R3HCC1: variants seen among roughly 807,000 people sequenced by gnomAD.
R3HCC1 encodes the protein R3H domain and coiled-coil containing 1.
R3HCC1 carries 32 observed loss-of-function variants against 40.0 expected under a neutral mutation model. The ratio of observed to expected loss-of-function variants is 0.80; its 90% CI spans 0.60 to 1.07. R3HCC1 has a LOEUF of 1.07. R3HCC1 is among the 50% of genes least tolerant of loss of function. The pLI, the probability that R3HCC1 is intolerant of heterozygous loss-of-function variation, is 0.00. For missense variants in R3HCC1, 586 were observed against 563.3 expected (o/e 1.04, Z -0.41); for synonymous variants, 237 against 232.8 (o/e 1.02, Z -0.17).
chr8:23,296,207 C>A lies in R3HCC1; in HGVS notation c.*110C>A. On this transcript the variant is annotated 3_prime_UTR_variant, in exon 8 of 8. Transcript: ENST00000265806. ...GCCCCGCACCACCCTCGAGCTTCAC[C>A]ATGGGGTGTGGTGGGCTTTAGTTTA... The A allele has an allele frequency of 7.7e-7, 1 of 1,299,568 alleles. No individual in the cohort carries two copies. The highest frequency in any genetic ancestry group is 2.6e-5 in the East Asian group (1 of 38,076). 80.5% of individuals were successfully genotyped at this position (1,299,568 alleles called of 1,614,324 possible).
chr8:23,295,456 C>T (rs1267957956), intron 7 of R3HCC1: 1 of 457,154 alleles, frequency 2.2e-6, no homozygotes, highest in Non-Finnish European at 4.4e-6. Context: ...CTTCTACTTC[C>T]AGAAACCATG....
At chr8:23,295,666 C>CT (rs1802994422) in intron 7 of R3HCC1, 2 of 494,464 alleles carry the variant, frequency 4.0e-6, no homozygotes, top group Non-Finnish European at 7.4e-6. Flanking sequence ...ATACCCCTCC[C>CT]AAAGGACCCT....
chr8:23,293,319 A>C lies in R3HCC1; in HGVS notation c.1042A>C (p.Ile348Leu). The C allele has an allele frequency of 1.3e-6, 2 of 1,551,222 alleles. No homozygotes were observed. The highest frequency in any genetic ancestry group is 1.7e-6 in the Non-Finnish European group (2 of 1,146,878). ...GCCGCACAGAGAGAAGGGGTTCAGG[A>C]TTCAGTGGGTGGATGATACTCACGC... Residue 348 changes from isoleucine to leucine, a missense_variant, in exon 6 of 8, where the codon ATT (isoleucine) becomes CTT (leucine). Physicochemically the swap from Ile to Leu is conservative, Grantham distance 5. Transcript: ENST00000265806.
intron 7 of R3HCC1, among the ~76,000 whole-genome samples, chr8:23,295,275 G>T (rs371942440): frequency 3.3e-5 from 5 of 152,186 alleles, no homozygotes; most frequent in African/African-American, 1.2e-4. Flanking sequence ...AGTTACTTCA[G>T]TTGGTCTCAG....
rs965680996 is a variant in R3HCC1, at chr8:23,289,791, G to A, written c.249-75G>A. ...GCTGACCCGAATGTCTCTCCTGAAT[G>A]ACAAGTGGCTCTAGTAAATCATTTT... On this transcript the variant is annotated intron_variant, in intron 3 of 7. Transcript: ENST00000265806. 17 of 1,436,526 alleles carry A rather than the reference G, an allele frequency of 1.2e-5. No individual in the cohort carries two copies. The African/African-American group carries it at 2.2e-4, about 18-fold the overall frequency. The allele number at this position is 1,436,526 out of a possible 1,614,324, so 89.0% of individuals were successfully genotyped here. A position where few individuals can be genotyped will look rare whatever the true frequency, so the allele number is the denominator to read the frequency against.
At position 23,289,968 on chromosome 8, in the gene R3HCC1, G is replaced by A. The variant is rs768489288; in HGVS notation, c.351G>A (p.Ala117=). ...CCATCTCCAACCAAGGAGCAGCTGC[G>A]GTTCCCCGAGGTGCCCGGGCTGGCC... Residue 117 remains alanine, a synonymous_variant, in exon 4 of 8, where the codon GCG becomes GCA. Coordinates refer to ENST00000265806, the MANE Select transcript of R3HCC1 (RefSeq NM_001136108.3). 3.1e-5 allele frequency: 47 copies of A among 1,536,278 alleles called. No homozygotes were observed. Among genetic ancestry groups the A allele is most frequent in the Middle Eastern group, 1.7e-4 (1 of 6,012 alleles).
chr8:23,295,913 G>T, intron 7 of R3HCC1, 54 bp from the exon 8 acceptor site: 1 of 1,502,370 alleles, frequency 6.7e-7, no homozygotes, highest in South Asian at 1.3e-5. Context: ...GTTGCTGGGG[G>T]AGAGGCAGCC....
At position 23,288,556 on chromosome 8, in the gene R3HCC1, C is replaced by T. The variant is rs1225344375; in HGVS notation, c.33C>T (p.Leu11=). 12 of 1,535,958 alleles carry T rather than the reference C, an allele frequency of 7.8e-6. No individual in the cohort carries two copies. In the Admixed American group the frequency reaches 1.8e-4, roughly 23 times the overall value. ...TTCTCTGCTTGGATGGTGTCTTCCT[C>T]TCCTCAGCCGAGAATGACTTCGTCC... Residue 11 remains leucine (L), a synonymous_variant, in exon 2 of 8, where the codon CTC becomes CTT. Transcript: ENST00000265806.
Position 23,289,896 on chromosome 8 carries a change from C to T in R3HCC1, c.279C>T (p.Pro93=), listed in dbSNP as rs1563178455. The stretch of plus-strand genomic sequence containing the variant: ...CCAGTTCGGATGGCCTCTCTGGCCC[C>T]TGCCGCGCTCCTGCCTCCTGCCCCA... The change falls in exon 4 of 8, where the codon CCC becomes CCT. Residue 93 remains proline (P), a synonymous_variant. Coordinates refer to ENST00000265806, the MANE Select transcript of R3HCC1 (RefSeq NM_001136108.3). 1.3e-6 allele frequency: 2 copies of T among 1,529,804 alleles called. No homozygotes were observed. Among genetic ancestry groups the T allele is most frequent in the Non-Finnish European group, 8.7e-7 (1 of 1,143,116 alleles). The allele number at this position is 1,529,804 out of a possible 1,614,324, so 94.8% of individuals were successfully genotyped here.
At chr8:23,293,787 A>G (rs1802926176) in intron 6 of R3HCC1, among the ~76,000 whole-genome samples, 1 of 152,166 alleles carries the variant, frequency 6.6e-6, no homozygotes, top group African/African-American at 2.4e-5. Context: ...CTCAAGATGT[A>G]GGTCAGGTTA....
At position 23,288,452 on chromosome 8, in the gene R3HCC1, G is replaced by T. The variant is rs541666675; in HGVS notation, c.-18-54G>T. The T allele has an allele frequency of 1.4e-5, 21 of 1,523,598 alleles. No individual in the cohort carries two copies. The South Asian group carries it at 2.3e-4, about 16-fold the overall frequency. The allele number at this position is 1,523,598 out of a possible 1,614,324, so 94.4% of individuals were successfully genotyped here. A position where few individuals can be genotyped will look rare whatever the true frequency, so the allele number is the denominator to read the frequency against. The stretch of plus-strand genomic sequence containing the variant: ...TTCGGTGCCGGCGTTGCGGGGTCGC[G>T]GGAGATCCGGGGGTCTGTGCTCTGA... On this transcript the variant is annotated intron_variant, in intron 1 of 7. Coordinates refer to ENST00000265806, the MANE Select transcript of R3HCC1 (RefSeq NM_001136108.3).
chr8:23,293,170 C>G, intron 5 of R3HCC1, 133 bp from the exon 6 acceptor site: 1 of 666,174 alleles, frequency 1.5e-6, no homozygotes, highest in Non-Finnish European at 2.6e-6. Flanking sequence ...TGTCTCCGTC[C>G]CAGAAGAGAT....
intron 6 of R3HCC1, among the ~76,000 whole-genome samples, chr8:23,293,770 C>T (rs1563180303): frequency 1.3e-5 from 2 of 152,196 alleles, no homozygotes; most frequent in Non-Finnish European, 2.9e-5. Flanking sequence ...TCGATTTTCG[C>T]TTCAGCCTCA....
intron 5 of R3HCC1, among the ~76,000 whole-genome samples, chr8:23,292,477 G>A (rs1183214558): frequency 1.3e-5 from 2 of 152,214 alleles, no homozygotes; most frequent in African/African-American, 4.8e-5. Flanking sequence ...AGCTGGGCGT[G>A]GTGGCAGGCG....
chr8:23,288,698 T>C (rs1802793664), intron 2 of R3HCC1, 65 bp downstream of exon 2: 1 of 1,519,516 alleles, frequency 6.6e-7, no homozygotes, highest in African/African-American at 1.4e-5. Context: ...GAGCCGCCTG[T>C]GTGCCCTCCC....
At position 23,289,847 on chromosome 8, in the gene R3HCC1, C is replaced by A. The variant is rs990830350; in HGVS notation, c.249-19C>A. 6.7e-6 allele frequency: 10 copies of A among 1,482,742 alleles called. No homozygotes were observed. Among genetic ancestry groups the A allele is most frequent in the African/African-American group, 1.4e-5 (1 of 71,472 alleles). 91.8% of individuals were successfully genotyped at this position (1,482,742 alleles called of 1,614,324 possible). ...GGGCCCCTACACACTCTGATTACCT[C>A]CTCCCATTCCTGCTCCAGGGTACCC... On this transcript the variant is annotated intron_variant, in intron 3 of 7. Transcript: ENST00000265806.
intron 4 of R3HCC1, 158 bp from the exon 5 acceptor site, chr8:23,291,203 T>C: frequency 9.6e-7 from 1 of 1,036,830 alleles, no homozygotes. Context: ...CCATGCGTCT[T>C]GACGTCTTGA....
At chr8:23,294,624 T>A (rs1200182542) in intron 6 of R3HCC1, 145 bp from the exon 7 acceptor site, 11 of 655,732 alleles carry the variant, frequency 1.7e-5, no homozygotes, top group Non-Finnish European at 3.0e-5. Context: ...GGCAGTCGTC[T>A]CTTGCCCATC....
In R3HCC1 at chr8:23,296,186, C is replaced by T. The variant is rs911869474; in HGVS notation, c.*89C>T. 1.6e-5 allele frequency: 22 copies of T among 1,417,236 alleles called. No homozygotes were observed. Among genetic ancestry groups the T allele is most frequent in the African/African-American group, 5.8e-5 (4 of 69,184 alleles). The allele number at this position is 1,417,236 out of a possible 1,614,324, so 87.8% of individuals were successfully genotyped here. On this transcript the variant is annotated 3_prime_UTR_variant, in exon 8 of 8. Transcript: ENST00000265806. ...GCCTTCACAGACGCCAGAGCAGCCC[C>T]GCACCACCCTCGAGCTTCACCATGG...
Sources: allele counts gnomAD v4.1 joint callset (sites outside exome capture counted in the v4.1 genomes callset), GRCh38; gene constraint gnomAD v4.1.1; transcripts MANE v1.5; gene names NCBI Gene and HGNC (gene_info 2026-07-23, HGNC 2026-07-21).